DPP4: variants seen among roughly 807,000 people sequenced by gnomAD.
DPP4 encodes the protein dipeptidyl peptidase 4.
In DPP4, 93 loss-of-function variants were observed where a neutral mutation model predicts 122.4. The ratio of observed to expected loss-of-function variants is 0.76; its 90% CI spans 0.64 to 0.90. DPP4 has a LOEUF of 0.90. DPP4 is among the 40% of genes least tolerant of loss of function. The pLI, the probability that DPP4 is intolerant of heterozygous loss-of-function variation, is 0.00. For missense variants in DPP4, 914 were observed against 907.3 expected (o/e 1.01, Z -0.09); for synonymous variants, 321 against 302.9 (o/e 1.06, Z -0.62).
chr2:162,015,581 G>C (rs1481210209), intron 18 of DPP4, among the ~76,000 whole-genome samples: 1 of 151,994 alleles, frequency 6.6e-6, no homozygotes, highest in African/African-American at 2.4e-5. Context: ...CTTTGGTTTG[G>C]GGGGTTCTTT....
chr2:162,062,497 G>A (rs971341430), intron 2 of DPP4, among the ~76,000 whole-genome samples: 1 of 152,182 alleles, frequency 6.6e-6, no homozygotes, highest in African/African-American at 2.4e-5. Flanking sequence ...GGAATGAGTT[G>A]TCAGCTGGAG....
At chr2:162,059,564 A>G (rs749004591) in intron 2 of DPP4, among the ~76,000 whole-genome samples, 1 of 152,242 alleles carries the variant, frequency 6.6e-6, no homozygotes, top group Non-Finnish European at 1.5e-5. Flanking sequence ...AAACTAAGAA[A>G]GATCAGCTCA....
chr2:162,037,300 C>T (rs1351660437), intron 8 of DPP4, among the ~76,000 whole-genome samples: 1 of 152,212 alleles, frequency 6.6e-6, no homozygotes, highest in Non-Finnish European at 1.5e-5. Context: ...AAAGAGGCCA[C>T]TCTTGTCAAG....
At chr2:162,020,317 T>TTTTC in intron 13 of DPP4, 21 bp from the exon 14 acceptor site, 1 of 1,374,572 alleles carries the variant, frequency 7.3e-7, no homozygotes, top group Non-Finnish European at 9.8e-7. Flanking sequence ...TTTTTTTTTT[T>TTTTC]CAAAAAAAAA....
intron 11 of DPP4, 97 bp from the exon 12 acceptor site, chr2:162,022,896 A>T: frequency 8.5e-7 from 1 of 1,181,796 alleles, no homozygotes; most frequent in Non-Finnish European, 1.3e-6. Context: ...TGTACTTATA[A>T]TAACTGAGAG....
intron 20 of DPP4, among the ~76,000 whole-genome samples, chr2:162,011,469 C>T (rs1326506704): frequency 2.0e-5 from 3 of 152,046 alleles, no homozygotes; most frequent in Non-Finnish European, 2.9e-5. Context: ...TACTAGGGTA[C>T]ATTTATTCCT....
chr2:162,016,556 T>G (rs1682934557), intron 18 of DPP4, among the ~76,000 whole-genome samples: 1 of 152,220 alleles, frequency 6.6e-6, no homozygotes, highest in Admixed American at 6.5e-5. Context: ...CCCTTCCTTT[T>G]TGACAGAATA....
intron 2 of DPP4, among the ~76,000 whole-genome samples, chr2:162,054,571 G>A (rs1245437707): frequency 1.3e-5 from 2 of 152,162 alleles, no homozygotes; most frequent in Non-Finnish European, 2.9e-5. Context: ...AAGTGATTAA[G>A]TCATGAGGGC....
rs555254886 is a variant in DPP4, at chr2:162,072,279, A to G, written c.94+1120T>C. Among the ~76,000 whole-genome samples the G allele has an allele frequency of 1.4e-3, 214 of 152,356 alleles. 1 individual carries two copies. The highest frequency in any genetic ancestry group is 4.9e-3 in the African/African-American group (205 of 41,576). On this transcript the variant is annotated intron_variant, in intron 2 of 25. Transcript: ENST00000360534. ...TATGGTTTACACAAAGAGTTGCTTT[A>G]TGAAAATAGTTATATTTTAACAGTC...
chr2:162,035,152 A>G lies in DPP4; in HGVS notation c.774+12T>C. 5 of 1,609,008 alleles carry G rather than the reference A, an allele frequency of 3.1e-6. No individual in the cohort carries two copies. The highest frequency in any genetic ancestry group is 4.2e-6 in the Non-Finnish European group (5 of 1,178,134). ...CAAATCATGGAACCACTGTACAAAC[A>G]GGAGCACAGACCTTTGGATATGGAA... On this transcript the variant is annotated intron_variant, in intron 9 of 25. Transcript: ENST00000360534.
chr2:162,030,349 C>T (rs2106113883), intron 10 of DPP4, among the ~76,000 whole-genome samples: 1 of 152,318 alleles, frequency 6.6e-6, no homozygotes, highest in South Asian at 2.1e-4. Context: ...ATCAGAGAAG[C>T]AGGGCTTCCA....
chr2:162,018,601 A>T, intron 16 of DPP4, 128 bp downstream of exon 16: 1 of 1,230,256 alleles, frequency 8.1e-7, no homozygotes, highest in Non-Finnish European at 1.1e-6. Context: ...CTCACTACTT[A>T]AATGTGAGTG....
intron 10 of DPP4, among the ~76,000 whole-genome samples, chr2:162,027,776 T>C (rs983722933): frequency 6.6e-6 from 1 of 152,134 alleles, no homozygotes; most frequent in Non-Finnish European, 1.5e-5. Flanking sequence ...CTTTCCCCAT[T>C]TGAAAACATT....
At chr2:162,051,604 G>T (rs1684386311) in intron 2 of DPP4, among the ~76,000 whole-genome samples, 1 of 152,232 alleles carries the variant, frequency 6.6e-6, no homozygotes, top group African/African-American at 2.4e-5. Context: ...ATTCCATATT[G>T]ATGCTTGTAT....
intron 2 of DPP4, among the ~76,000 whole-genome samples, chr2:162,049,863 C>T (rs1684323009): frequency 6.6e-6 from 1 of 152,170 alleles, no homozygotes; most frequent in East Asian, 1.9e-4. Context: ...ATAAAAATGC[C>T]ACATTTCACT....
rs1196538338 is a variant in DPP4 at position 161,993,233 on chromosome 2, AAAC to A, written c.*47_*49del. The A allele has an allele frequency of 4.1e-5, 58 of 1,429,466 alleles. No homozygotes were observed. The highest frequency in any genetic ancestry group is 5.3e-5 in the Non-Finnish European group (54 of 1,013,598). 88.5% of individuals were successfully genotyped at this position (1,429,466 alleles called of 1,614,324 possible). On this transcript the variant is annotated 3_prime_UTR_variant, in exon 26 of 26. Coordinates refer to ENST00000360534, the MANE Select transcript of DPP4 (RefSeq NM_001935.4). Reference sequence around the variant, plus strand: ...TGACAGTGCAGTTTTGAGATAATGAAAACAAAAATGAGTTTTAATAAGCTTTAA... The same window carrying A: ...TGACAGTGCAGTTTTGAGATAATGAAAAAAATGAGTTTTAATAAGCTTTAA...
At position 162,018,887 on chromosome 2, in the gene DPP4, A is replaced by C. The variant is rs749913142; in HGVS notation, c.1299-37T>G. 7.4e-6 allele frequency: 12 copies of C among 1,611,964 alleles called. No individual in the cohort carries two copies. In the Admixed American group the frequency reaches 2.0e-4, roughly 27 times the overall value. Reference sequence around the variant, plus strand: ...ACGGTGGAAATTAAGTGCTTGAAGAAAAGATAAGTGAGAGGAAGGAACTGA... The same window carrying C: ...ACGGTGGAAATTAAGTGCTTGAAGACAAGATAAGTGAGAGGAAGGAACTGA... On this transcript the variant is annotated intron_variant, in intron 15 of 25. Coordinates refer to ENST00000360534, the MANE Select transcript of DPP4 (RefSeq NM_001935.4).
rs1370367376 is a variant in DPP4 at position 161,992,372 on chromosome 2, A to G, written c.*911T>C. Reference sequence around the variant, plus strand: ...TTAAAATGAGTCCAAGGAAGTTAAAATATTCTTTTAATTAAGACACTCAAA... The same window carrying G: ...TTAAAATGAGTCCAAGGAAGTTAAAGTATTCTTTTAATTAAGACACTCAAA... On this transcript the variant is annotated 3_prime_UTR_variant, in exon 26 of 26. Transcript: ENST00000360534. 1 of 152,588 alleles carries G rather than the reference A, an allele frequency of 6.6e-6. No individual in the cohort carries two copies. The highest frequency in any genetic ancestry group is 1.5e-5 in the Non-Finnish European group (1 of 68,042). The allele number at this position is 152,588 out of a possible 1,614,324, so 9.5% of individuals were successfully genotyped here. A position where few individuals can be genotyped will look rare whatever the true frequency, so the allele number is the denominator to read the frequency against.
At chr2:162,073,553 G>A (rs758971701) in intron 1 of DPP4, 67 bp from the exon 2 acceptor site, 6 of 1,517,574 alleles carry the variant, frequency 4.0e-6, no homozygotes, top group Non-Finnish European at 5.5e-6. Context: ...TAGGAGGGTC[G>A]GGGCTGCTCC....
Sources: gnomAD v4.1 joint callset for allele counts (sites outside exome capture counted in the v4.1 genomes callset) on GRCh38, gnomAD v4.1.1 for gene constraint, MANE v1.5 for transcripts, NCBI Gene and HGNC (gene_info 2026-07-23, HGNC 2026-07-21) for gene names.